Variants in NR2F1-AS1 observed in about 807,000 individuals in gnomAD.
NR2F1-AS1 encodes the protein NR2F1 antisense RNA 1.
At chr5:93,532,090 G>C (rs1359406381) in intron 4 of NR2F1-AS1, among the ~76,000 whole-genome samples, 2 of 152,060 alleles carry the variant, frequency 1.3e-5, no homozygotes, top group Non-Finnish European at 2.9e-5. Context: ...TTACTAGACT[G>C]TTTAAAGACT....
At chr5:93,435,497 T>G (rs1749414709) in intron 4 of NR2F1-AS1, among the ~76,000 whole-genome samples, 1 of 152,194 alleles carries the variant, frequency 6.6e-6, no homozygotes, top group Non-Finnish European at 1.5e-5. Context: ...ATTTCAAGTT[T>G]GTATAAATAG....
chr5:93,488,421 G>T (rs1263600870), intron 4 of NR2F1-AS1, among the ~76,000 whole-genome samples: 1 of 152,188 alleles, frequency 6.6e-6, no homozygotes, highest in African/African-American at 2.4e-5. Flanking sequence ...CCATCAAAAA[G>T]TGGGCAAAGA....
chr5:93,565,268 A>G (rs1447896679), intron 1 of NR2F1-AS1, among the ~76,000 whole-genome samples: 1 of 152,182 alleles, frequency 6.6e-6, no homozygotes, highest in African/African-American at 2.4e-5. Flanking sequence ...TTACACCTAG[A>G]AAGACAGCAG....
intron 4 of NR2F1-AS1, among the ~76,000 whole-genome samples, chr5:93,530,569 T>C (rs2149900121): frequency 6.6e-6 from 1 of 152,248 alleles, no homozygotes; most frequent in East Asian, 1.9e-4. Flanking sequence ...ACCTTACTAG[T>C]AGTTGAGTGG....
At chr5:93,508,706 C>T (rs1466481579) in intron 4 of NR2F1-AS1, among the ~76,000 whole-genome samples, 1 of 151,266 alleles carries the variant, frequency 6.6e-6, no homozygotes, top group Non-Finnish European at 1.5e-5. Flanking sequence ...TATGACCAAA[C>T]ATGAATGATT....
intron 4 of NR2F1-AS1, among the ~76,000 whole-genome samples, chr5:93,526,797 C>A (rs541339687): frequency 6.6e-6 from 1 of 152,178 alleles, no homozygotes; most frequent in African/African-American, 2.4e-5. Flanking sequence ...AATTTAACAC[C>A]CCTTCACGCT....
intron 4 of NR2F1-AS1, among the ~76,000 whole-genome samples, chr5:93,511,573 G>T (rs1401873140): frequency 1.3e-5 from 2 of 152,052 alleles, no homozygotes; most frequent in Non-Finnish European, 2.9e-5. Flanking sequence ...AATTCCAATT[G>T]CCTAGTGACA....
intron 4 of NR2F1-AS1, among the ~76,000 whole-genome samples, chr5:93,437,971 T>A (rs1749479342): frequency 6.6e-6 from 1 of 152,216 alleles, no homozygotes. Context: ...TGTTTTTATT[T>A]GTCTCTGAGT....
intron 4 of NR2F1-AS1, among the ~76,000 whole-genome samples, chr5:93,526,181 C>T (rs184460315): frequency 1.4e-4 from 21 of 152,286 alleles, no homozygotes; most frequent in Non-Finnish European, 2.6e-4. Flanking sequence ...AATATCACCA[C>T]TGATCCCACA....
At chr5:93,582,381 A>G (rs1202950200), upstream of NR2F1-AS1, among the ~76,000 whole-genome samples, 2 of 152,136 alleles carry the variant, frequency 1.3e-5, no homozygotes, top group South Asian at 2.1e-4. Flanking sequence ...TTGTGGCAAT[A>G]GCTGCAAATT....
At chr5:93,569,213 G>A (rs1752685877) in intron 1 of NR2F1-AS1, among the ~76,000 whole-genome samples, 1 of 152,040 alleles carries the variant, frequency 6.6e-6, no homozygotes. Context: ...AGCATCATTA[G>A]TACACAGGAA....
chr5:93,438,016 T>C (rs1415727917), intron 4 of NR2F1-AS1, among the ~76,000 whole-genome samples: 1 of 152,208 alleles, frequency 6.6e-6, no homozygotes, highest in African/African-American at 2.4e-5. Flanking sequence ...AGAGGGTACA[T>C]TTGTTTCCTG....
At chr5:93,429,101 A>G (rs1749255598) in intron 4 of NR2F1-AS1, among the ~76,000 whole-genome samples, 1 of 152,118 alleles carries the variant, frequency 6.6e-6, no homozygotes, top group Non-Finnish European at 1.5e-5. Context: ...AGAGGCAACA[A>G]GTGTTTGATG....
At chr5:93,511,405 C>A (rs1478155662) in intron 4 of NR2F1-AS1, among the ~76,000 whole-genome samples, 2 of 152,192 alleles carry the variant, frequency 1.3e-5, no homozygotes, top group Non-Finnish European at 2.9e-5. Flanking sequence ...ACACCACCAG[C>A]TTTCCTAGGT....
chr5:93,563,671 G>T (rs1417543832), intron 1 of NR2F1-AS1, among the ~76,000 whole-genome samples: 1 of 152,114 alleles, frequency 6.6e-6, no homozygotes, highest in Non-Finnish European at 1.5e-5. Context: ...ACTGAATACT[G>T]GTATCTCAAT....
intron 4 of NR2F1-AS1, among the ~76,000 whole-genome samples, chr5:93,448,054 T>TCA (rs1446547605): frequency 2.6e-5 from 4 of 151,400 alleles, no homozygotes; most frequent in African/African-American, 9.7e-5. Context: ...TGTCGTGGGG[T>TCA]GGAGGGAAGG....
At chr5:93,495,552 AC>A (rs1283373278) in intron 4 of NR2F1-AS1, among the ~76,000 whole-genome samples, 1 of 152,148 alleles carries the variant, frequency 6.6e-6, no homozygotes, top group Non-Finnish European at 1.5e-5. Context: ...AAGACAAATG[AC>A]CAGGTTTTAG....
intron 4 of NR2F1-AS1, among the ~76,000 whole-genome samples, chr5:93,455,974 T>G (rs1177278173): frequency 1.3e-5 from 2 of 152,080 alleles, no homozygotes; most frequent in African/African-American, 4.8e-5. Context: ...ATTGAGGAAC[T>G]GATGTCCTAC....
chr5:93,574,960 G>A (rs1752863695), intron 1 of NR2F1-AS1, among the ~76,000 whole-genome samples: 1 of 152,228 alleles, frequency 6.6e-6, no homozygotes, highest in African/African-American at 2.4e-5. Flanking sequence ...GAGTTAAAGA[G>A]GGATTAATCC....
Sources: allele counts gnomAD v4.1 joint callset (sites outside exome capture counted in the v4.1 genomes callset), GRCh38; gene constraint gnomAD v4.1.1; transcripts MANE v1.5; gene names NCBI Gene and HGNC (gene_info 2026-07-23, HGNC 2026-07-21).